MAPK8IP1: variants seen among roughly 807,000 people sequenced by gnomAD.
MAPK8IP1 encodes the protein mitogen-activated protein kinase 8 interacting protein 1.
MAPK8IP1 carries 17 observed loss-of-function variants against 72.6 expected under a neutral mutation model. That is an observed-to-expected ratio of 0.23 (90% CI 0.16 to 0.35). The LOEUF is 0.35. Among genes scored for constraint, MAPK8IP1 ranks in the 10% least tolerant of loss-of-function variants. MAPK8IP1 has a pLI of 1.00. For missense variants in MAPK8IP1, 789 were observed against 1,009.7 expected (o/e 0.78, Z 2.96); for synonymous variants, 401 against 443.4 (o/e 0.90, Z 1.20).
At chr11:45,886,850 C>T (rs1318313730) in intron 1 of MAPK8IP1, among the ~76,000 whole-genome samples, 1 of 152,166 alleles carries the variant, frequency 6.6e-6, no homozygotes, top group East Asian at 1.9e-4. Flanking sequence ...CTTCCCCTCT[C>T]CTGGGGCACC....
intron 1 of MAPK8IP1, among the ~76,000 whole-genome samples, chr11:45,897,135 A>G (rs529213274): frequency 9.2e-5 from 14 of 152,052 alleles, no homozygotes; most frequent in South Asian, 4.2e-4. Context: ...CTGTGCCTCA[A>G]TTTCTTGGAC....
chr11:45,888,312 C>T (rs532010607), intron 1 of MAPK8IP1, among the ~76,000 whole-genome samples: 1 of 152,246 alleles, frequency 6.6e-6, no homozygotes, highest in South Asian at 2.1e-4. Context: ...GGAAGGCACT[C>T]AGTTCGCCCA....
rs769073422 is a variant in MAPK8IP1, at chr11:45,903,978, G to T, written c.1494-11G>T. ...GGTGCCGAATTTCTCACCTGTCCTTGCTGGGGACAGGTTTGTGCCTCGACA... is the reference window on the plus strand; with the variant it reads ...GGTGCCGAATTTCTCACCTGTCCTTTCTGGGGACAGGTTTGTGCCTCGACA... On this transcript the variant is annotated splice_polypyrimidine_tract_variant and intron_variant, in intron 6 of 11. Transcript: ENST00000241014. This position sits in a 1 kb window ranked among gnomAD's most constrained non-coding sequence, Gnocchi z 6.4. The T allele has an allele frequency of 6.2e-7, 1 of 1,612,452 alleles. No homozygotes were observed. Among genetic ancestry groups the T allele is most frequent in the East Asian group, 2.2e-5 (1 of 44,886 alleles).
rs1383039231 is a variant in MAPK8IP1 at position 45,899,014 on chromosome 11, G to A, written c.207+824G>A. 3.3e-5 allele frequency among the ~76,000 whole-genome samples: 5 copies of A among 152,322 alleles called. No homozygotes were observed. In the South Asian group the frequency reaches 6.2e-4, roughly 19 times the overall value. Reference sequence around the variant, plus strand: ...CGGTGTCAGGAGAGTGGTTACCATAGGAGCGTGAGGTGTGCCTTGGGGAGG... The same window carrying A: ...CGGTGTCAGGAGAGTGGTTACCATAAGAGCGTGAGGTGTGCCTTGGGGAGG... On this transcript the variant is annotated intron_variant, in intron 2 of 11. Transcript: ENST00000241014.
Position 45,902,779 on chromosome 11 carries a change from T to G in MAPK8IP1, c.1012T>G (p.Cys338Gly). 6.3e-7 allele frequency: 1 copy of G among 1,596,810 alleles called. No individual in the cohort carries two copies. The highest frequency in any genetic ancestry group is 2.3e-5 in the East Asian group (1 of 44,430). Reference protein sequence around the residue: ...SISEEEEGFDCLSSPERAEPP... With the variant: ...SISEEEEGFDGLSSPERAEPP... ...CAGTGAAGAGGAAGAGGGCTTCGACTGCCTGTCGTCCCCAGAGCGGGCTGA... is the reference window on the plus strand; with the variant it reads ...CAGTGAAGAGGAAGAGGGCTTCGACGGCCTGTCGTCCCCAGAGCGGGCTGA... Residue 338 changes from cysteine to glycine, a missense_variant, in exon 5 of 12, where the codon TGC becomes GGC. Transcript: ENST00000241014. The surrounding 1 kb of genome is among the most constrained non-coding windows in gnomAD (Gnocchi z 9.3).
chr11:45,902,388 G>A lies in MAPK8IP1; in HGVS notation c.621G>A (p.Pro207=), dbSNP rs143158158. The A allele has an allele frequency of 1.8e-4, 277 of 1,569,828 alleles. No individual in the cohort carries two copies. Among genetic ancestry groups the A allele is most frequent in the Non-Finnish European group, 2.2e-4 (256 of 1,158,050 alleles). The change falls in exon 5 of 12, where the codon CCG becomes CCA. Residue 207 remains proline (P), a synonymous_variant. Transcript: ENST00000241014. The surrounding 1 kb of genome is among the most constrained non-coding windows in gnomAD (Gnocchi z 9.3). ...GCTCTCCAGGGGAGCAGACACCACC[G>A]CATGAACACATCTGCCTGAGCGATG... ...SPLKTGEQTP[P]HEHICLSDEL... is the part of the protein sequence containing the mutation.
intron 1 of MAPK8IP1, among the ~76,000 whole-genome samples, chr11:45,897,879 C>T (rs1407555193): frequency 2.6e-5 from 4 of 152,174 alleles, no homozygotes. Flanking sequence ...TCCACTGCCA[C>T]CCTAGGAGGA....
chr11:45,895,300 C>T (rs929083187), intron 1 of MAPK8IP1, among the ~76,000 whole-genome samples: 4 of 152,054 alleles, frequency 2.6e-5, no homozygotes, highest in African/African-American at 4.8e-5. Context: ...AGTGAGGAAG[C>T]GGAGCCATGT....
intron 1 of MAPK8IP1, among the ~76,000 whole-genome samples, chr11:45,894,284 A>C (rs1051988978): frequency 2.6e-5 from 4 of 152,224 alleles, no homozygotes; most frequent in African/African-American, 4.8e-5. Flanking sequence ...TGAAAGAGTC[A>C]GGATTTATTT....
rs1436603972 is a variant in MAPK8IP1 at position 45,903,349 on chromosome 11, A to G, written c.1418-16A>G. The G allele has an allele frequency of 1.2e-6, 2 of 1,613,302 alleles. No homozygotes were observed. Among genetic ancestry groups the G allele is most frequent in the Admixed American group, 3.3e-5 (2 of 60,008 alleles). ...GAGCTGCGACCCCCCATCCAGCCAC[A>G]CCACCTCACCTGCAGGTGCTGAGTC... On this transcript the variant is annotated splice_polypyrimidine_tract_variant and intron_variant, in intron 5 of 11. Coordinates refer to ENST00000241014, the MANE Select transcript of MAPK8IP1 (RefSeq NM_005456.4). This position sits in a 1 kb window ranked among gnomAD's most constrained non-coding sequence, Gnocchi z 6.4.
chr11:45,897,098 A>T, intron 1 of MAPK8IP1: 1 of 789,486 alleles, frequency 1.3e-6, no homozygotes, highest in East Asian at 2.7e-5. Flanking sequence ...CTCCTGGGTG[A>T]CCTTGAACTA....
chr11:45,896,906 G>C (rs1423238829), intron 1 of MAPK8IP1: 2 of 1,568,454 alleles, frequency 1.3e-6, no homozygotes, highest in Non-Finnish European at 8.6e-7. Flanking sequence ...AGATGGATTC[G>C]AGCCCAGACA....
chr11:45,890,855 C>T lies in MAPK8IP1; in HGVS notation c.101+4934C>T, dbSNP rs1007980452. 7.9e-5 allele frequency among the ~76,000 whole-genome samples: 12 copies of T among 152,066 alleles called. No homozygotes were observed. In the East Asian group the frequency reaches 2.1e-3, roughly 27 times the overall value. On this transcript the variant is annotated intron_variant, in intron 1 of 11. Coordinates refer to ENST00000241014, the MANE Select transcript of MAPK8IP1 (RefSeq NM_005456.4). ...CTCAGAGGAGAGGATAGGGCTGGGG[C>T]CAAAGACCCTGGGAGTCTGAGTTTG...
chr11:45,902,144 C>T lies in MAPK8IP1; in HGVS notation c.604+83C>T, dbSNP rs559732055. The T allele has an allele frequency of 3.7e-4, 480 of 1,300,636 alleles. No individual in the cohort carries two copies. Among genetic ancestry groups the T allele is most frequent in the Non-Finnish European group, 5.0e-4 (446 of 893,668 alleles). The allele number at this position is 1,300,636 out of a possible 1,614,324, so 80.6% of individuals were successfully genotyped here. On this transcript the variant is annotated intron_variant, in intron 4 of 11. Coordinates refer to ENST00000241014, the MANE Select transcript of MAPK8IP1 (RefSeq NM_005456.4). This position sits in a 1 kb window ranked among gnomAD's most constrained non-coding sequence, Gnocchi z 9.3. ...TACAGAGAGCAAACCCTACAGTCTCCAAAGGGCTGAGTAGAGGTGAACTGC... is the reference window on the plus strand; with the variant it reads ...TACAGAGAGCAAACCCTACAGTCTCTAAAGGGCTGAGTAGAGGTGAACTGC...
intron 1 of MAPK8IP1, among the ~76,000 whole-genome samples, chr11:45,893,952 G>C (rs879768817): frequency 6.6e-6 from 1 of 152,204 alleles, no homozygotes; most frequent in Non-Finnish European, 1.5e-5. Flanking sequence ...AAAGAGGAAA[G>C]GGCAGAGTCT....
At chr11:45,905,383 G>A in intron 11 of MAPK8IP1, 134 bp downstream of exon 11, 2 of 911,636 alleles carry the variant, frequency 2.2e-6, no homozygotes, top group South Asian at 1.4e-5. Context: ...GGACCCCAGT[G>A]CGGGTGGCCT....
At chr11:45,887,292 T>C (rs981745211) in intron 1 of MAPK8IP1, among the ~76,000 whole-genome samples, 9 of 152,190 alleles carry the variant, frequency 5.9e-5, no homozygotes, top group Non-Finnish European at 8.8e-5. Context: ...CTAATTAATA[T>C]TGATTCTTGC....
Position 45,905,005 on chromosome 11 carries a change from A to C in MAPK8IP1, c.1928A>C (p.Asn643Thr), listed in dbSNP as rs1188491370. 6.2e-7 allele frequency: 1 copy of C among 1,614,148 alleles called. No homozygotes were observed. Among genetic ancestry groups the C allele is most frequent in the Admixed American group, 1.7e-5 (1 of 60,028 alleles). ...TGTAGCCACTTTTTCCAGTTAAAAA[A>C]CATCTCTTTCTGCGGATATCATCCA... ...NKCSHFFQLK[N>T]ISFCGYHPKN... Residue 643 changes from asparagine to threonine, a missense_variant, in exon 10 of 12, where the codon AAC becomes ACC. By Grantham distance (65) the Asn-to-Thr change is moderately conservative (BLOSUM62 0). Coordinates refer to ENST00000241014, the MANE Select transcript of MAPK8IP1 (RefSeq NM_005456.4).
chr11:45,887,670 G>C (rs1461106266), intron 1 of MAPK8IP1, among the ~76,000 whole-genome samples: 1 of 152,258 alleles, frequency 6.6e-6, no homozygotes, highest in African/African-American at 2.4e-5. Context: ...AGCTGAGGAA[G>C]CAGACACCAG....
Sources: allele counts gnomAD v4.1 joint callset (sites outside exome capture counted in the v4.1 genomes callset), GRCh38; gene constraint gnomAD v4.1.1; non-coding constraint Gnocchi (gnomAD v3.1); transcripts MANE v1.5; gene names NCBI Gene and HGNC (gene_info 2026-07-23, HGNC 2026-07-21).